The following FER1L6 variants were observed in gnomAD, a reference collection of about 807,000 sequenced individuals.
FER1L6 encodes fer-1-like protein 6.
A neutral mutation model predicts 219.2 loss-of-function variants in FER1L6; 177 were observed. The observed-to-expected ratio is 0.81, with a 90% CI of 0.71 to 0.91. The LOEUF (loss-of-function observed/expected upper bound fraction) is 0.91. FER1L6 is among the 40% of genes least tolerant of loss of function. The pLI, the probability that FER1L6 is intolerant of heterozygous loss-of-function variation, is 0.00. For synonymous variants in FER1L6, 768 were observed against 824.3 expected (o/e 0.93, Z 1.17); for missense variants, 2,153 against 2,259.9 (o/e 0.95, Z 0.96).
Position 123,977,340 on chromosome 8 carries a change from C to G in FER1L6, c.871-77C>G, listed in dbSNP as rs936965512. 4 of 1,416,270 alleles carry G rather than the reference C, an allele frequency of 2.8e-6. No homozygotes were observed. The African/African-American group carries it at 5.7e-5, about 20-fold the overall frequency. The allele number at this position is 1,416,270 out of a possible 1,614,324, so 87.7% of individuals were successfully genotyped here. On this transcript the variant is annotated intron_variant, in intron 9 of 40. Coordinates refer to ENST00000522917, the MANE Select transcript of FER1L6 (RefSeq NM_001039112.2). ...ATTATCTTTGAAAACTCACTTTATA[C>G]TTCCAGCTGGCTTGAAGAGTTTTCT...
chr8:123,938,489 T>C (rs1490209037), intron 1 of FER1L6, among the ~76,000 whole-genome samples: 2 of 152,220 alleles, frequency 1.3e-5, no homozygotes, highest in African/African-American at 2.4e-5. Context: ...CTAAAACTTG[T>C]AGATAACTTA....
chr8:123,989,924 T>C (rs1816768901), intron 12 of FER1L6, among the ~76,000 whole-genome samples: 1 of 152,230 alleles, frequency 6.6e-6, no homozygotes, highest in African/African-American at 2.4e-5. Flanking sequence ...TTTGGGTAGA[T>C]AACCAGTAGT....
intron 5 of FER1L6, 71 bp downstream of exon 5, chr8:123,966,361 G>C (rs564135616): frequency 3.8e-6 from 6 of 1,585,294 alleles, no homozygotes; most frequent in Non-Finnish European, 5.2e-6. Context: ...GGATCCTTCA[G>C]TCAAACAAAG....
intron 1 of FER1L6, among the ~76,000 whole-genome samples, chr8:123,924,393 T>G (rs1813484390): frequency 6.6e-6 from 1 of 151,326 alleles, no homozygotes; most frequent in Non-Finnish European, 1.5e-5. Context: ...ATACAAAAAA[T>G]TAGCCGGGCA....
At chr8:123,886,513 G>A (rs1817205979) in intron 1 of FER1L6, among the ~76,000 whole-genome samples, 1 of 152,166 alleles carries the variant, frequency 6.6e-6, no homozygotes, top group Non-Finnish European at 1.5e-5. Flanking sequence ...CAGAAGCTGA[G>A]TAGATACCAG....
At chr8:124,116,790 A>G (rs191018924) in intron 39 of FER1L6, among the ~76,000 whole-genome samples, 1 of 152,342 alleles carries the variant, frequency 6.6e-6, no homozygotes. Flanking sequence ...AGCTTAAGTT[A>G]CCTGTGAATG....
intron 1 of FER1L6, among the ~76,000 whole-genome samples, chr8:123,951,209 G>A (rs1039095691): frequency 8.5e-5 from 13 of 152,134 alleles, no homozygotes; most frequent in Non-Finnish European, 1.3e-4. Flanking sequence ...AAAAACCACC[G>A]AGCCTTTGTC....
chr8:124,066,355 C>A, intron 26 of FER1L6, 73 bp from the exon 27 acceptor site: 1 of 1,551,378 alleles, frequency 6.4e-7, no homozygotes, highest in Non-Finnish European at 8.7e-7. Flanking sequence ...TTTTCTTCCT[C>A]ACAAGCCAGT....
chr8:123,966,472 A>T (rs7004554), intron 5 of FER1L6, among the ~76,000 whole-genome samples, 182 bp downstream of exon 5: 53,469 of 152,064 alleles, frequency 0.35, 9,758 homozygotes, highest in Non-Finnish European at 0.41. Context: ...ACAAAAGGGT[A>T]GTGGAAAAGA....
At chr8:123,914,461 AT>A (rs1394474970) in intron 1 of FER1L6, among the ~76,000 whole-genome samples, 1 of 152,144 alleles carries the variant, frequency 6.6e-6, no homozygotes, top group Non-Finnish European at 1.5e-5. Flanking sequence ...CGCACTTTTG[AT>A]TGCACTTAGT....
chr8:124,004,128 A>C (rs938780977), intron 13 of FER1L6: 6 of 151,804 alleles, frequency 4.0e-5, no homozygotes, highest in Admixed American at 6.6e-5. Flanking sequence ...AAAAAAAAAA[A>C]AAAAAAAACA....
intron 39 of FER1L6, among the ~76,000 whole-genome samples, chr8:124,106,022 T>A (rs1358640532): frequency 6.6e-6 from 1 of 152,092 alleles, no homozygotes; most frequent in Non-Finnish European, 1.5e-5. Context: ...GGGGAGCAAC[T>A]GGTATGGAGT....
At chr8:124,060,476 C>T (rs1563772896) in intron 23 of FER1L6, 72 bp from the exon 24 acceptor site, 2 of 1,584,182 alleles carry the variant, frequency 1.3e-6, no homozygotes, top group Non-Finnish European at 1.7e-6. Context: ...CTAACTTTTC[C>T]ACACAGAGCC....
chr8:124,058,206 A>G (rs1820396485), intron 22 of FER1L6, among the ~76,000 whole-genome samples: 1 of 152,202 alleles, frequency 6.6e-6, no homozygotes. Context: ...GACTAGGGTC[A>G]TGCATGACCC....
intron 1 of FER1L6, among the ~76,000 whole-genome samples, chr8:123,907,179 G>C (rs1258907242): frequency 6.6e-6 from 1 of 152,150 alleles, no homozygotes; most frequent in Admixed American, 6.5e-5. Context: ...TTCTTGACAA[G>C]ATTATACACT....
chr8:123,972,202 T>G (rs993191817), intron 6 of FER1L6, among the ~76,000 whole-genome samples: 2 of 152,124 alleles, frequency 1.3e-5, no homozygotes, highest in African/African-American at 4.8e-5. Flanking sequence ...AAAATTTAGG[T>G]TAGGGAGAGA....
At position 123,853,174 on chromosome 8, in the gene FER1L6, T is replaced by C. The variant is rs989531431; in HGVS notation, c.-8+989T>C. On this transcript the variant is annotated intron_variant, in intron 1 of 40. Transcript: ENST00000522917. This position sits in a 1 kb window ranked among gnomAD's most constrained non-coding sequence, Gnocchi z 6.6. ...CTTTAAAATAGACGAAATCTTTTTT[T>C]GAGACAGTCTCACTCTATAGCCCAG... 3.9e-5 allele frequency among the ~76,000 whole-genome samples: 6 copies of C among 152,024 alleles called. No homozygotes were observed. The highest frequency in any genetic ancestry group is 8.8e-5 in the Non-Finnish European group (6 of 68,004).
chr8:123,935,989 C>T lies in FER1L6; in HGVS notation c.-7-20003C>T, dbSNP rs1029269753. 2.6e-5 allele frequency among the ~76,000 whole-genome samples: 4 copies of T among 151,238 alleles called. No homozygotes were observed. The East Asian group carries it at 7.7e-4, about 29-fold the overall frequency. On this transcript the variant is annotated intron_variant, in intron 1 of 40. Transcript: ENST00000522917. ...CAAATCTGAAAATGTTTTTCCAAAGCGTTTCCTAGGGTTGGGAACTTCTAG... is the reference window on the plus strand; with the variant it reads ...CAAATCTGAAAATGTTTTTCCAAAGTGTTTCCTAGGGTTGGGAACTTCTAG...
chr8:124,070,396 T>G (rs1348723778), intron 29 of FER1L6, 71 bp from the exon 30 acceptor site: 26 of 1,559,308 alleles, frequency 1.7e-5, no homozygotes, highest in Non-Finnish European at 2.2e-5. Context: ...TTGGAGAATC[T>G]TGGCATTTCT....
Sources: gnomAD v4.1 joint callset for allele counts (sites outside exome capture counted in the v4.1 genomes callset) on GRCh38, gnomAD v4.1.1 for gene constraint, Gnocchi (gnomAD v3.1) non-coding constraint, MANE v1.5 for transcripts, NCBI Gene and HGNC (gene_info 2026-07-23, HGNC 2026-07-21) for gene names.